The following DYNC1H1 variants were observed in gnomAD, a reference collection of about 807,000 sequenced individuals.
DYNC1H1 encodes the protein cytoplasmic dynein 1 heavy chain 1.
A neutral mutation model predicts 527.1 loss-of-function variants in DYNC1H1; 51 were observed. The ratio of observed to expected loss-of-function variants is 0.10; its 90% CI spans 0.08 to 0.12. The LOEUF (loss-of-function observed/expected upper bound fraction) is 0.12, where lower values mean the gene tolerates loss of function less well. DYNC1H1 is among the 10% of genes least tolerant of loss of function. The pLI, the probability that DYNC1H1 is intolerant of heterozygous loss-of-function variation, is 1.00. For synonymous variants in DYNC1H1, 2,189 were observed against 2,278.8 expected (o/e 0.96, Z 1.12); for missense variants, 2,771 against 5,971.8 (o/e 0.46, Z 17.66).
chr14:101,985,670 A>G lies in DYNC1H1; in HGVS notation c.1462-17A>G, dbSNP rs746091764. 1.1e-5 allele frequency: 18 copies of G among 1,613,840 alleles called. No homozygotes were observed. The highest frequency in any genetic ancestry group is 1.1e-4 in the East Asian group (5 of 44,878). ...CGTTTGGTCAGCATTTCTTGATTACATATCTTTCTCCTTTAGGTCACGGCA... is the reference window on the plus strand; with the variant it reads ...CGTTTGGTCAGCATTTCTTGATTACGTATCTTTCTCCTTTAGGTCACGGCA... On this transcript the variant is annotated splice_polypyrimidine_tract_variant and intron_variant, in intron 7 of 77. Transcript: ENST00000360184. The surrounding 1 kb of genome is among the most constrained non-coding windows in gnomAD (Gnocchi z 5.9).
At chr14:102,032,621 G>A (rs1381695573) in intron 52 of DYNC1H1, 154 bp downstream of exon 52, 1 of 996,186 alleles carries the variant, frequency 1.0e-6, no homozygotes. Context: ...GGAGGCTGAG[G>A]CAGGTGAAGT....
chr14:102,047,656 T>C, intron 72 of DYNC1H1, 161 bp from the exon 73 acceptor site: 1 of 539,858 alleles, frequency 1.9e-6, no homozygotes, highest in Non-Finnish European at 3.3e-6. Context: ...TATATATATA[T>C]ATATATATGT....
chr14:102,017,146 A>T lies in DYNC1H1; in HGVS notation c.7907A>T (p.Asp2636Val). ...TTPELLLKTF[D>V]HYCEYRRTPN... is the part of the protein sequence containing the mutation. ...CCAGAGCTGCTTCTGAAGACTTTTGATCACTACTGCGAGTACAGGCGCACA... is the reference window on the plus strand; with the variant it reads ...CCAGAGCTGCTTCTGAAGACTTTTGTTCACTACTGCGAGTACAGGCGCACA... The change falls in exon 39 of 78, where the codon GAT becomes GTT. Residue 2636 changes from aspartate to valine, a missense_variant. Asp to Val is a radical substitution (Grantham distance 152). Transcript: ENST00000360184. The surrounding 1 kb of genome is among the most constrained non-coding windows in gnomAD (Gnocchi z 4.6). 1 of 1,614,158 alleles carries T rather than the reference A, an allele frequency of 6.2e-7. No homozygotes were observed. The highest frequency in any genetic ancestry group is 1.1e-5 in the South Asian group (1 of 91,084).
rs57229386 is a variant in DYNC1H1, at chr14:102,013,248, CAAAAAAAAAAAA to C, written c.7014+791_7014+802del. Among the ~76,000 whole-genome samples, 4 of 41,314 alleles carry C rather than the reference CAAAAAAAAAAAA, an allele frequency of 9.7e-5. 1 individual carries two copies. Among genetic ancestry groups the C allele is most frequent in the African/African-American group, 3.7e-4 (4 of 10,698 alleles). The allele number at this position is 41,314 out of a possible 152,430, so 27.1% of individuals were successfully genotyped here. A position where few individuals can be genotyped will look rare whatever the true frequency, so the allele number is the denominator to read the frequency against. On this transcript the variant is annotated intron_variant, in intron 34 of 77. Coordinates refer to ENST00000360184, the MANE Select transcript of DYNC1H1 (RefSeq NM_001376.5). Reference sequence around the variant, plus strand: ...TGGGCGACAGAGAGAGACTCCGTCTCAAAAAAAAAAAAAAAAAAAAAAAAGGCAGGAAGACAA... The same window carrying C: ...TGGGCGACAGAGAGAGACTCCGTCTCAAAAAAAAAAAAGGCAGGAAGACAA...
intron 51 of DYNC1H1, 51 bp from the exon 52 acceptor site, chr14:102,032,221 G>T (rs1479518719): frequency 1.2e-6 from 2 of 1,609,488 alleles, no homozygotes; most frequent in Non-Finnish European, 1.7e-6. Context: ...ACCATGCTTT[G>T]CTCTATCTTC....
In DYNC1H1 at chr14:102,002,804, G is replaced by C; in HGVS notation, c.4722G>C (p.Glu1574Asp). The change falls in exon 23 of 78, where the codon GAG (glutamate) becomes GAC (aspartate). Residue 1574 changes from glutamate to aspartate, a missense_variant. Around this residue, in one of 32 missense-constraint regions of DYNC1H1, gnomAD observed 51 missense variants for 189.2 expected, o/e 0.27. Coordinates refer to ENST00000360184, the MANE Select transcript of DYNC1H1 (RefSeq NM_001376.5). This position sits in a 1 kb window ranked among gnomAD's most constrained non-coding sequence, Gnocchi z 4.4. ...ETQRFQSIST[E>D]FLALMKKVSK... ...ATTTCATTTGTAGCATCAGCACTGA[G>C]TTTTTGGCTCTAATGAAAAAAGTGT... 1 of 1,614,242 alleles carries C rather than the reference G, an allele frequency of 6.2e-7. No individual in the cohort carries two copies. The highest frequency in any genetic ancestry group is 8.5e-7 in the Non-Finnish European group (1 of 1,180,044).
Position 102,011,643 on chromosome 14 carries a change from T to C in DYNC1H1, c.6619-232T>C. The C allele has an allele frequency of 1.8e-6, 1 of 552,958 alleles. No individual in the cohort carries two copies. Among genetic ancestry groups the C allele is most frequent in the Non-Finnish European group, 3.2e-6 (1 of 308,060 alleles). The allele number at this position is 552,958 out of a possible 1,614,324, so 34.3% of individuals were successfully genotyped here. A position where few individuals can be genotyped will look rare whatever the true frequency, so the allele number is the denominator to read the frequency against. ...GATAGGCGCTTGTAAAGCCAGCTACTTGGGAGAGTGAGGAAGGAGAATCAC... is the reference window on the plus strand; with the variant it reads ...GATAGGCGCTTGTAAAGCCAGCTACCTGGGAGAGTGAGGAAGGAGAATCAC... On this transcript the variant is annotated intron_variant, in intron 32 of 77. Transcript: ENST00000360184. This position sits in a 1 kb window ranked among gnomAD's most constrained non-coding sequence, Gnocchi z 5.3.
rs1271427633 is a variant in DYNC1H1, at chr14:102,042,022, A to C, written c.12112A>C (p.Asn4038His). ...THIVGTEVKP[N>H]TPVLMCSVPG... ...CCTTCTTTGTTTGCAGGTGAAGCCC[A>C]ACACTCCTGTCTTAATGTGCTCTGT... Residue 4038 changes from asparagine to histidine, a missense_variant, in exon 66 of 78, where the codon AAC becomes CAC. Around this residue, in one of 32 missense-constraint regions of DYNC1H1, gnomAD observed 195 missense variants for 428.6 expected, o/e 0.45. Transcript: ENST00000360184. The surrounding 1 kb of genome is among the most constrained non-coding windows in gnomAD (Gnocchi z 5.7). 3.1e-6 allele frequency: 5 copies of C among 1,614,016 alleles called. No homozygotes were observed. The highest frequency in any genetic ancestry group is 4.2e-6 in the Non-Finnish European group (5 of 1,180,034).
At position 102,010,161 on chromosome 14, in the gene DYNC1H1, A is replaced by G. The variant is rs1007506200; in HGVS notation, c.6221+75A>G. On this transcript the variant is annotated intron_variant, in intron 30 of 77. Coordinates refer to ENST00000360184, the MANE Select transcript of DYNC1H1 (RefSeq NM_001376.5). The surrounding 1 kb of genome is among the most constrained non-coding windows in gnomAD (Gnocchi z 6.0). ...GTGTCCATTTAACCTTAAAATTTTT[A>G]TATGTAATGATGGTACGTCTTTCAA... 6 of 1,612,370 alleles carry G rather than the reference A, an allele frequency of 3.7e-6. No homozygotes were observed. Among genetic ancestry groups the G allele is most frequent in the Admixed American group, 1.7e-5 (1 of 59,946 alleles).
intron 27 of DYNC1H1, among the ~76,000 whole-genome samples, chr14:102,006,703 C>T (rs546919812): frequency 3.9e-4 from 59 of 151,968 alleles, no homozygotes; most frequent in African/African-American, 1.4e-3. Flanking sequence ...CGGGTTCAAG[C>T]GATCTCCTGC....
In DYNC1H1 at chr14:102,010,560, T is replaced by C; in HGVS notation, c.6405+101T>C. 6.5e-7 allele frequency: 1 copy of C among 1,534,960 alleles called. No individual in the cohort carries two copies. ...TTGTGAGTTCTTCTTGCAGTTCACA[T>C]GTCTTGGGATGGCTGAAATAGACTG... is the stretch of plus-strand genomic sequence containing the variant. On this transcript the variant is annotated intron_variant, in intron 31 of 77. Coordinates refer to ENST00000360184, the MANE Select transcript of DYNC1H1 (RefSeq NM_001376.5). This position sits in a 1 kb window ranked among gnomAD's most constrained non-coding sequence, Gnocchi z 6.0.
intron 2 of DYNC1H1, among the ~76,000 whole-genome samples, chr14:101,978,053 A>AT (rs928992807): frequency 1.3e-5 from 2 of 151,140 alleles, no homozygotes; most frequent in South Asian, 2.1e-4. Flanking sequence ...CACCTGGCTA[A>AT]TTTTTTTTTC....
chr14:102,046,384 C>T (rs1377457794), intron 72 of DYNC1H1, among the ~76,000 whole-genome samples: 1 of 152,168 alleles, frequency 6.6e-6, no homozygotes, highest in Non-Finnish European at 1.5e-5. Flanking sequence ...TGCTGAAACT[C>T]ACAGCTGGTT....
chr14:102,018,699 A>C lies in DYNC1H1; in HGVS notation c.8343+83A>C. 1 of 1,552,214 alleles carries C rather than the reference A, an allele frequency of 6.4e-7. No homozygotes were observed. The highest frequency in any genetic ancestry group is 8.7e-7 in the Non-Finnish European group (1 of 1,149,186). On this transcript the variant is annotated intron_variant, in intron 41 of 77. Transcript: ENST00000360184. The surrounding 1 kb of genome is among the most constrained non-coding windows in gnomAD (Gnocchi z 5.2). ...CGATTGGTCAGGTGTGGTGGTTCAC[A>C]CCTGTAATCCCAGCATTTTGGGAGG...
Position 102,001,795 on chromosome 14 carries a change from AG to A in DYNC1H1, c.4542+117del. The A allele has an allele frequency of 6.9e-7, 1 of 1,444,394 alleles. No homozygotes were observed. The highest frequency in any genetic ancestry group is 9.5e-7 in the Non-Finnish European group (1 of 1,047,578). The allele number at this position is 1,444,394 out of a possible 1,614,324, so 89.5% of individuals were successfully genotyped here. A position where few individuals can be genotyped will look rare whatever the true frequency, so the allele number is the denominator to read the frequency against. On this transcript the variant is annotated intron_variant, in intron 21 of 77. Transcript: ENST00000360184. This position sits in a 1 kb window ranked among gnomAD's most constrained non-coding sequence, Gnocchi z 5.0. Reference sequence around the variant, plus strand: ...TGTTTTTTATTGTATTTTTTGAGACAGGGTCTCACTCTGTCTCCCACGCTGG... The same window carrying A: ...TGTTTTTTATTGTATTTTTTGAGACAGGTCTCACTCTGTCTCCCACGCTGG...
chr14:101,996,525 A>G (rs774403801), intron 15 of DYNC1H1, among the ~76,000 whole-genome samples: 3 of 152,144 alleles, frequency 2.0e-5, no homozygotes, highest in Non-Finnish European at 4.4e-5. Flanking sequence ...GCAGTGCAAC[A>G]CCCAGACCAG....
In DYNC1H1 at chr14:102,020,231, GCC is replaced by G. The variant is rs1235288898; in HGVS notation, c.8507+178_8507+179del. 2.6e-5 allele frequency among the ~76,000 whole-genome samples: 4 copies of G among 152,284 alleles called. No homozygotes were observed. The South Asian group carries it at 6.2e-4, about 24-fold the overall frequency. On this transcript the variant is annotated intron_variant, in intron 42 of 77. Coordinates refer to ENST00000360184, the MANE Select transcript of DYNC1H1 (RefSeq NM_001376.5). The surrounding 1 kb of genome is among the most constrained non-coding windows in gnomAD (Gnocchi z 4.3). ...TCCCGTCTGGACACTGGTCACAGTTGCCCCAGGGTAACAAAGTCACAGTGCGC... is the reference window on the plus strand; with the variant it reads ...TCCCGTCTGGACACTGGTCACAGTTGCCAGGGTAACAAAGTCACAGTGCGC...
At chr14:102,024,405 A>G (rs2048424912) in intron 43 of DYNC1H1, among the ~76,000 whole-genome samples, 1 of 152,208 alleles carries the variant, frequency 6.6e-6, no homozygotes. Context: ...AGAGCAGGAC[A>G]GAGGGAGATA....
At chr14:101,967,714 C>T (rs191228422) in intron 1 of DYNC1H1, among the ~76,000 whole-genome samples, 1 of 152,222 alleles carries the variant, frequency 6.6e-6, no homozygotes, top group Non-Finnish European at 1.5e-5. Flanking sequence ...GTGGTGTATG[C>T]CAGTAGTTCC....
Sources: allele counts gnomAD v4.1 joint callset (sites outside exome capture counted in the v4.1 genomes callset), GRCh38; gene constraint gnomAD v4.1.1; regional missense constraint gnomAD v4.1.1; non-coding constraint Gnocchi (gnomAD v3.1); transcripts MANE v1.5; gene names NCBI Gene and HGNC (gene_info 2026-07-23, HGNC 2026-07-21).